Variants in FGGY observed in about 807,000 individuals in gnomAD.
FGGY encodes FGGY carbohydrate kinase domain-containing protein.
FGGY carries 72 observed loss-of-function variants against 71.3 expected under a neutral mutation model. That is an observed-to-expected ratio of 1.01 (90% CI 0.84 to 1.23). The LOEUF is 1.23. Ranked by LOEUF, FGGY falls within the 50% of genes most tolerant of loss-of-function variation. FGGY has a pLI of 0.00. For synonymous variants in FGGY, 251 were observed against 250.3 expected, an observed-to-expected ratio of 1.00 and a Z score of -0.02; for missense variants, 668 against 682.3, an observed-to-expected ratio of 0.98 and a Z score of 0.23.
At chr1:59,751,488 A>C (rs139238966) in intron 14 of FGGY, among the ~76,000 whole-genome samples, 1 of 152,246 alleles carries the variant, frequency 6.6e-6, no homozygotes, top group Non-Finnish European at 1.5e-5. Context: ...TCTATAAAAC[A>C]AGTGAAATAT....
intron 9 of FGGY, among the ~76,000 whole-genome samples, chr1:59,615,068 C>T (rs909565437): frequency 4.6e-5 from 7 of 152,036 alleles, no homozygotes; most frequent in Non-Finnish European, 8.8e-5. Context: ...AAAATGGCCA[C>T]ACTGCCCAAG....
Position 59,472,680 on chromosome 1 carries a change from A to G in FGGY, c.670+15604A>G, listed in dbSNP as rs533223105. Among the ~76,000 whole-genome samples the G allele has an allele frequency of 3.3e-5, 5 of 152,338 alleles. No individual in the cohort carries two copies. In the South Asian group the frequency reaches 1.0e-3, roughly 32 times the overall value. On this transcript the variant is annotated intron_variant, in intron 6 of 15. Coordinates refer to ENST00000303721, the MANE Select transcript of FGGY (RefSeq NM_018291.5). ...CCCTGTGTCTAGCTCAGGGTTTGCGAATGCACCAGTCCACACTCTGTATCT... is the reference window on the plus strand; with the variant it reads ...CCCTGTGTCTAGCTCAGGGTTTGCGGATGCACCAGTCCACACTCTGTATCT...
chr1:59,542,323 T>C (rs569448263), intron 7 of FGGY, among the ~76,000 whole-genome samples: 1 of 152,218 alleles, frequency 6.6e-6, no homozygotes, highest in South Asian at 2.1e-4. Flanking sequence ...TGATGTAAAG[T>C]TGTGCTCTGT....
chr1:59,726,269 G>T (rs1170980716), intron 14 of FGGY, among the ~76,000 whole-genome samples: 7 of 152,010 alleles, frequency 4.6e-5, no homozygotes, highest in Admixed American at 3.9e-4. Context: ...TGTACACCTG[G>T]AGTAAATCGT....
At chr1:59,638,973 A>T (rs1355155868) in intron 11 of FGGY, among the ~76,000 whole-genome samples, 4 of 152,078 alleles carry the variant, frequency 2.6e-5, no homozygotes, top group Non-Finnish European at 5.9e-5. Flanking sequence ...ACTCTCAACC[A>T]CCCCAGTTGA....
chr1:59,611,389 G>C (rs1231530964), intron 9 of FGGY, among the ~76,000 whole-genome samples: 1 of 152,104 alleles, frequency 6.6e-6, no homozygotes, highest in African/African-American at 2.4e-5. Flanking sequence ...TGATACTCAG[G>C]GTCTAGAGTG....
At chr1:59,443,262 G>A (rs1320505434) in intron 5 of FGGY, among the ~76,000 whole-genome samples, 1 of 152,114 alleles carries the variant, frequency 6.6e-6, no homozygotes, top group Non-Finnish European at 1.5e-5. Flanking sequence ...AGATACTCCA[G>A]AGGCCAGAAT....
chr1:59,514,561 G>T (rs1174047598), intron 7 of FGGY, among the ~76,000 whole-genome samples: 1 of 152,264 alleles, frequency 6.6e-6, no homozygotes, highest in African/African-American at 2.4e-5. Flanking sequence ...ATATGGTTTG[G>T]CTGTGTCCCC....
intron 4 of FGGY, among the ~76,000 whole-genome samples, chr1:59,360,630 G>A (rs2055311679): frequency 2.6e-5 from 4 of 152,162 alleles, no homozygotes; most frequent in Admixed American, 2.6e-4. Context: ...TTGATAAATT[G>A]CAGAATGCTG....
intron 14 of FGGY, among the ~76,000 whole-genome samples, chr1:59,745,079 A>G (rs1195236216): frequency 6.6e-6 from 1 of 152,120 alleles, no homozygotes; most frequent in Non-Finnish European, 1.5e-5. Context: ...TTACTTTGGT[A>G]CCATCCTTAG....
At chr1:59,583,005 T>C (rs2096222918) in intron 8 of FGGY, among the ~76,000 whole-genome samples, 1 of 116,016 alleles carries the variant, frequency 8.6e-6, no homozygotes, top group Non-Finnish European at 1.8e-5. Context: ...CTGGTGTCTG[T>C]AATGCTCAGG....
intron 6 of FGGY, among the ~76,000 whole-genome samples, chr1:59,458,895 T>G (rs2091950112): frequency 6.6e-6 from 1 of 152,216 alleles, no homozygotes; most frequent in African/African-American, 2.4e-5. Context: ...GAAACTCCTC[T>G]GGAAGCTACC....
At chr1:59,365,086 C>T (rs2056341368) in intron 4 of FGGY, among the ~76,000 whole-genome samples, 1 of 152,110 alleles carries the variant, frequency 6.6e-6, no homozygotes, top group African/African-American at 2.4e-5. Flanking sequence ...AGTGGGACAT[C>T]CAGGAGACAT....
intron 8 of FGGY, among the ~76,000 whole-genome samples, chr1:59,578,061 G>A (rs1279725605): frequency 6.6e-6 from 1 of 152,150 alleles, no homozygotes; most frequent in Non-Finnish European, 1.5e-5. Context: ...ATATAAAAGA[G>A]GTGGAAGAAG....
intron 11 of FGGY, among the ~76,000 whole-genome samples, chr1:59,645,684 G>A (rs1390798595): frequency 6.6e-6 from 1 of 152,134 alleles, no homozygotes; most frequent in Non-Finnish European, 1.5e-5. Context: ...CGTGGCCTTT[G>A]TTTTGTGGTG....
intron 7 of FGGY, among the ~76,000 whole-genome samples, chr1:59,544,617 A>T (rs2095494163): frequency 6.6e-6 from 1 of 152,186 alleles, no homozygotes; most frequent in Non-Finnish European, 1.5e-5. Context: ...TTGGGATAGC[A>T]TGTCCTGAAC....
intron 6 of FGGY, among the ~76,000 whole-genome samples, chr1:59,473,384 G>A (rs532583422): frequency 6.6e-6 from 1 of 152,156 alleles, no homozygotes; most frequent in Non-Finnish European, 1.5e-5. Context: ...AACATCAGAA[G>A]GAACAAACTC....
At chr1:59,342,297 T>A (rs1269089012) in intron 3 of FGGY, among the ~76,000 whole-genome samples, 1 of 152,124 alleles carries the variant, frequency 6.6e-6, no homozygotes, top group Non-Finnish European at 1.5e-5. Flanking sequence ...TGGGGACAGA[T>A]TAACGGAGAA....
chr1:59,504,917 C>T (rs2094337824), intron 6 of FGGY, among the ~76,000 whole-genome samples: 1 of 152,068 alleles, frequency 6.6e-6, no homozygotes, highest in Non-Finnish European at 1.5e-5. Context: ...TTGCTGAGAA[C>T]TTATGTTCTA....
Sources: allele counts gnomAD v4.1 joint callset (sites outside exome capture counted in the v4.1 genomes callset), GRCh38; gene constraint gnomAD v4.1.1; transcripts MANE v1.5; gene names NCBI Gene and HGNC (gene_info 2026-07-23, HGNC 2026-07-21).